MAF: variants seen among roughly 807,000 people sequenced by gnomAD.
MAF encodes the protein transcription factor Maf.
Under a neutral mutation model 22.0 loss-of-function variants are expected in MAF, and 10 were observed. That is an observed-to-expected ratio of 0.45 (90% CI 0.28 to 0.77). The LOEUF (loss-of-function observed/expected upper bound fraction) is 0.77. MAF is among the 30% of genes least tolerant of loss of function. The probability of loss-of-function intolerance (pLI) is 0.12; values close to 1 mark genes in which losing one functional copy is unlikely to be tolerated. For missense variants in MAF, 544 were observed against 548.4 expected, an observed-to-expected ratio of 0.99 and a Z score of 0.08; for synonymous variants, 337 against 255.8, an observed-to-expected ratio of 1.32 and a Z score of -3.03.
the MAF span, among the ~76,000 whole-genome samples, chr16:79,537,235 A>T: frequency 0.019 from 2,965 of 152,310 alleles, 91 homozygotes; most frequent in South Asian, 0.068. Context: ...TCCTGTTCCA[A>T]CCTCGAAGTT....
At chr16:79,392,216 G>A in the MAF span, among the ~76,000 whole-genome samples, 14 of 147,728 alleles carry the variant, frequency 9.5e-5, no homozygotes, top group East Asian at 2.9e-3. Flanking sequence ...AGAGGAGAAA[G>A]AAAAAGAGAA....
At chr16:79,508,972 G>C in the MAF span, among the ~76,000 whole-genome samples, 9 of 152,270 alleles carry the variant, frequency 5.9e-5, no homozygotes, top group African/African-American at 1.9e-4. Context: ...AGTGCTAAAG[G>C]CCAACAAATT....
At chr16:79,335,214 A>G in the MAF span, among the ~76,000 whole-genome samples, 1 of 151,680 alleles carries the variant, frequency 6.6e-6, no homozygotes, top group Non-Finnish European at 1.5e-5. Context: ...GAAAAAGAAC[A>G]TACATAGAAT....
At chr16:79,351,739 G>C in the MAF span, among the ~76,000 whole-genome samples, 1 of 152,044 alleles carries the variant, frequency 6.6e-6, no homozygotes, top group African/African-American at 2.4e-5. Flanking sequence ...AGGTGTGGCA[G>C]GAAGTGACAT....
chr16:79,215,879 G>T, the MAF span, among the ~76,000 whole-genome samples: 1 of 152,184 alleles, frequency 6.6e-6, no homozygotes, highest in East Asian at 1.9e-4. Context: ...GTTACTTGAA[G>T]ATGAACTGAG....
the MAF span, among the ~76,000 whole-genome samples, chr16:79,345,848 T>G: frequency 9.2e-5 from 14 of 151,680 alleles, no homozygotes; most frequent in Non-Finnish European, 2.1e-4. Flanking sequence ...GAGATTTAGG[T>G]TGCTTTGATG....
downstream of MAF, among the ~76,000 whole-genome samples, chr16:79,582,246 G>A (rs979967373): frequency 3.9e-5 from 6 of 152,190 alleles, no homozygotes; most frequent in African/African-American, 1.4e-4. Flanking sequence ...AGCAGCAGGT[G>A]AAGGGAGTTT....
At chr16:79,297,448 A>G in the MAF span, among the ~76,000 whole-genome samples, 1 of 152,168 alleles carries the variant, frequency 6.6e-6, no homozygotes, top group Non-Finnish European at 1.5e-5. Context: ...GGGTGGCACC[A>G]TTTTGTAACA....
At chr16:79,300,263 G>T in the MAF span, among the ~76,000 whole-genome samples, 1 of 152,088 alleles carries the variant, frequency 6.6e-6, no homozygotes, top group Non-Finnish European at 1.5e-5. Context: ...ACTCTTAAAA[G>T]ACCCTTATCT....
chr16:79,468,504 G>C, the MAF span, among the ~76,000 whole-genome samples: 1 of 152,220 alleles, frequency 6.6e-6, no homozygotes, highest in Non-Finnish European at 1.5e-5. Flanking sequence ...CCTCAAGAAT[G>C]TATTTTGGTG....
chr16:79,562,606 C>A, the MAF span, among the ~76,000 whole-genome samples: 1 of 152,172 alleles, frequency 6.6e-6, no homozygotes, highest in Non-Finnish European at 1.5e-5. Context: ...TGAACACAGA[C>A]CTAAGAACAC....
At chr16:79,550,356 C>T in the MAF span, among the ~76,000 whole-genome samples, 10 of 151,754 alleles carry the variant, frequency 6.6e-5, no homozygotes, top group Non-Finnish European at 1.3e-4. Flanking sequence ...GAGAGACAGA[C>T]AGACAGACAC....
the MAF span, among the ~76,000 whole-genome samples, chr16:79,208,106 G>C: frequency 6.6e-6 from 1 of 152,178 alleles, no homozygotes; most frequent in African/African-American, 2.4e-5. Context: ...TTATTACCAA[G>C]ATACTCTTAA....
the MAF span, among the ~76,000 whole-genome samples, chr16:79,411,336 G>A: frequency 6.6e-6 from 1 of 152,172 alleles, no homozygotes; most frequent in Non-Finnish European, 1.5e-5. Context: ...ACTTGGACAT[G>A]AACATCATCT....
chr16:79,542,242 C>A, the MAF span, among the ~76,000 whole-genome samples: 1 of 152,114 alleles, frequency 6.6e-6, no homozygotes, highest in Non-Finnish European at 1.5e-5. Context: ...GAAGTCCAAG[C>A]GAGCTCCACG....
chr16:79,328,204 G>A, the MAF span, among the ~76,000 whole-genome samples: 13 of 152,018 alleles, frequency 8.6e-5, no homozygotes, highest in South Asian at 4.2e-4. Context: ...TTTTTTCTTC[G>A]CTTATTTTCA....
chr16:79,389,671 G>A, the MAF span, among the ~76,000 whole-genome samples: 3 of 151,946 alleles, frequency 2.0e-5, no homozygotes. Flanking sequence ...TGTCTGTCAT[G>A]TTTGCCATCA....
At chr16:79,462,198 T>C in the MAF span, among the ~76,000 whole-genome samples, 4 of 152,240 alleles carry the variant, frequency 2.6e-5, no homozygotes, top group African/African-American at 9.6e-5. Flanking sequence ...TGATTCCTTA[T>C]GCCATACCAG....
the MAF span, among the ~76,000 whole-genome samples, chr16:79,403,188 G>C: frequency 4.6e-5 from 7 of 152,200 alleles, no homozygotes; most frequent in Non-Finnish European, 8.8e-5. Context: ...CAATGCACCA[G>C]ACTTTCTAGT....
Sources: gnomAD v4.1 joint callset for allele counts (sites outside exome capture counted in the v4.1 genomes callset) on GRCh38, gnomAD v4.1.1 for gene constraint, MANE v1.5 for transcripts, NCBI Gene and HGNC (gene_info 2026-07-23, HGNC 2026-07-21) for gene names.